The following BCAS3 variants were observed in gnomAD, a reference collection of about 807,000 sequenced individuals.
BCAS3 encodes the protein BCAS4/BCAS3 fusion.
BCAS3 carries 53 observed loss-of-function variants against 116.1 expected under a neutral mutation model. The ratio of observed to expected loss-of-function variants is 0.46; its 90% CI spans 0.37 to 0.57. The LOEUF (loss-of-function observed/expected upper bound fraction) is 0.57, where lower values mean the gene tolerates loss of function less well. Ranked by LOEUF, BCAS3 falls within the 20% of genes least tolerant of loss-of-function variation. BCAS3 has a pLI of 0.00. For missense variants in BCAS3, 917 were observed against 1,165.4 expected, an observed-to-expected ratio of 0.79 and a Z score of 3.10; for synonymous variants, 391 against 408.2, an observed-to-expected ratio of 0.96 and a Z score of 0.51.
chr17:61,371,227 G>A (rs1603124922), intron 23 of BCAS3, among the ~76,000 whole-genome samples: 1 of 152,324 alleles, frequency 6.6e-6, no homozygotes, highest in Middle Eastern at 3.4e-3. Context: ...GGTGTAGCCA[G>A]CCTTGATTTG....
At chr17:60,815,760 T>C (rs1568312089) in intron 7 of BCAS3, among the ~76,000 whole-genome samples, 2 of 152,198 alleles carry the variant, frequency 1.3e-5, no homozygotes, top group African/African-American at 4.8e-5. Flanking sequence ...CAAATGGAGA[T>C]GGAGAAAGCC....
chr17:60,692,323 G>T (rs1291753854), intron 4 of BCAS3, among the ~76,000 whole-genome samples: 2 of 152,072 alleles, frequency 1.3e-5, no homozygotes, highest in East Asian at 3.9e-4. Flanking sequence ...CTCACTGCAA[G>T]CTTCGCCTCC....
rs772353885 is a variant in BCAS3, at chr17:61,136,201, A to G, written c.2425+51637A>G. 2.9e-4 allele frequency among the ~76,000 whole-genome samples: 44 copies of G among 152,122 alleles called. No individual in the cohort carries two copies. The highest frequency in any genetic ancestry group is 9.4e-4 in the African/African-American group (39 of 41,408). ...CCTCTACATAAAATCATTTCTTTCC[A>G]TCCTGAGTACCCATGGCAAGCTCCT... On this transcript the variant is annotated intron_variant, in intron 22 of 23. Coordinates refer to ENST00000407086, the MANE Select transcript of BCAS3 (RefSeq NM_017679.5). The surrounding 1 kb of genome is among the most constrained non-coding windows in gnomAD (Gnocchi z 4.4).
rs374339505 is a variant in BCAS3, at chr17:61,315,366, G to A, written c.2426-52961G>A. ...ACTCCTGACCTCAGGTGATCCGGCC[G>A]CCTCAGCCTCCCAAAGTGCTGGGAT... is the stretch of plus-strand genomic sequence containing the variant. On this transcript the variant is annotated intron_variant, in intron 22 of 23. Coordinates refer to ENST00000407086, the MANE Select transcript of BCAS3 (RefSeq NM_017679.5). This position sits in a 1 kb window ranked among gnomAD's most constrained non-coding sequence, Gnocchi z 5.3. Among the ~76,000 whole-genome samples, 1 of 152,068 alleles carries A rather than the reference G, an allele frequency of 6.6e-6. No individual in the cohort carries two copies. The highest frequency in any genetic ancestry group is 1.5e-5 in the Non-Finnish European group (1 of 68,016).
chr17:60,957,191 C>T (rs1459056161), intron 14 of BCAS3, among the ~76,000 whole-genome samples: 2 of 152,114 alleles, frequency 1.3e-5, no homozygotes, highest in East Asian at 1.9e-4. Flanking sequence ...TGGCAAATGG[C>T]AAACTTGCTT....
intron 23 of BCAS3, among the ~76,000 whole-genome samples, chr17:61,382,066 G>A (rs1209173863): frequency 1.3e-5 from 2 of 151,862 alleles, no homozygotes; most frequent in Non-Finnish European, 2.9e-5. Context: ...GGTGGCTCAC[G>A]CTTATAATCC....
intron 6 of BCAS3, among the ~76,000 whole-genome samples, chr17:60,782,934 A>T (rs1302188401): frequency 6.6e-6 from 1 of 152,078 alleles, no homozygotes. Flanking sequence ...ATGCCAATTA[A>T]ATTTGGGGCC....
chr17:60,740,258 A>G (rs866620518), intron 5 of BCAS3, among the ~76,000 whole-genome samples: 7 of 151,838 alleles, frequency 4.6e-5, no homozygotes, highest in Non-Finnish European at 1.0e-4. Flanking sequence ...AGTTTGGGAG[A>G]GTGAGGCGGG....
At chr17:61,296,823 G>T (rs927158687) in intron 22 of BCAS3, among the ~76,000 whole-genome samples, 9 of 152,204 alleles carry the variant, frequency 5.9e-5, no homozygotes, top group African/African-American at 1.9e-4. Flanking sequence ...GCACAAACAA[G>T]GAGCTGTGTT....
chr17:60,994,795 G>A lies in BCAS3; in HGVS notation c.1486+4560G>A, dbSNP rs1413527679. On this transcript the variant is annotated intron_variant, in intron 15 of 23. Transcript: ENST00000407086. This position sits in a 1 kb window ranked among gnomAD's most constrained non-coding sequence, Gnocchi z 4.4. ...GCTAAAATATTACTGCCTCTCTTAA[G>A]CCTTCTTTTGATTTTTATCATCTTT... Among the ~76,000 whole-genome samples the A allele has an allele frequency of 6.6e-6, 1 of 152,060 alleles. No individual in the cohort carries two copies. Among genetic ancestry groups the A allele is most frequent in the African/African-American group, 2.4e-5 (1 of 41,378 alleles).
chr17:60,948,122 T>G (rs974862957), intron 14 of BCAS3, among the ~76,000 whole-genome samples: 2 of 152,154 alleles, frequency 1.3e-5, no homozygotes, highest in African/African-American at 4.8e-5. Context: ...TTATTTTTTT[T>G]GAGTTGGAGT....
rs1266208829 is a variant in BCAS3, at chr17:61,356,294, A to G, written c.2426-12033A>G. ...CAGGCGTGAGCCACCGCACCTGGCCAGGAAACATTGTCATTGCAGCCCAGC... is the reference window on the plus strand; with the variant it reads ...CAGGCGTGAGCCACCGCACCTGGCCGGGAAACATTGTCATTGCAGCCCAGC... On this transcript the variant is annotated intron_variant, in intron 22 of 23. Coordinates refer to ENST00000407086, the MANE Select transcript of BCAS3 (RefSeq NM_017679.5). This position sits in a 1 kb window ranked among gnomAD's most constrained non-coding sequence, Gnocchi z 5.4. Among the ~76,000 whole-genome samples the G allele has an allele frequency of 6.6e-6, 1 of 151,714 alleles. No individual in the cohort carries two copies. The highest frequency in any genetic ancestry group is 1.5e-5 in the Non-Finnish European group (1 of 67,860).
rs9894372 is a variant in BCAS3, at chr17:61,343,786, C to T, written c.2426-24541C>T. Among the ~76,000 whole-genome samples the T allele has an allele frequency of 2.6e-5, 4 of 152,132 alleles. No homozygotes were observed. On this transcript the variant is annotated intron_variant, in intron 22 of 23. Transcript: ENST00000407086. The surrounding 1 kb of genome is among the most constrained non-coding windows in gnomAD (Gnocchi z 5.5). Reference sequence around the variant, plus strand: ...GCTTAATTCCTCTAAAAACAGTGCCCGTTGGGCATTTTGCCTGGAGAGAGA... The same window carrying T: ...GCTTAATTCCTCTAAAAACAGTGCCTGTTGGGCATTTTGCCTGGAGAGAGA...
chr17:61,018,075 T>C (rs887569104), intron 16 of BCAS3, among the ~76,000 whole-genome samples: 10 of 152,176 alleles, frequency 6.6e-5, no homozygotes, highest in African/African-American at 2.4e-4. Flanking sequence ...TGTATCATAT[T>C]GTTTACTAGG....
At chr17:61,288,127 C>T (rs566030113) in intron 22 of BCAS3, among the ~76,000 whole-genome samples, 6 of 152,238 alleles carry the variant, frequency 3.9e-5, no homozygotes, top group Non-Finnish European at 7.3e-5. Context: ...CTCCCTGTCT[C>T]TGCCTTGGTT....
intron 6 of BCAS3, among the ~76,000 whole-genome samples, chr17:60,758,400 T>C (rs1480908033): frequency 2.0e-5 from 3 of 152,158 alleles, no homozygotes; most frequent in African/African-American, 7.2e-5. Context: ...TAGTTTGCCC[T>C]GTTCTTTATT....
chr17:61,189,330 G>C lies in BCAS3; in HGVS notation c.2425+104766G>C, dbSNP rs1456724104. Among the ~76,000 whole-genome samples the C allele has an allele frequency of 6.6e-6, 1 of 152,174 alleles. No individual in the cohort carries two copies. Among genetic ancestry groups the C allele is most frequent in the Non-Finnish European group, 1.5e-5 (1 of 68,034 alleles). On this transcript the variant is annotated intron_variant, in intron 22 of 23. Coordinates refer to ENST00000407086, the MANE Select transcript of BCAS3 (RefSeq NM_017679.5). This position sits in a 1 kb window ranked among gnomAD's most constrained non-coding sequence, Gnocchi z 4.5. ...CAAGAGAAGCCATGGTATATTCAAA[G>C]AGCTCATAAGGAGGTTGACCTTGCC...
intron 22 of BCAS3, among the ~76,000 whole-genome samples, chr17:61,092,903 T>C (rs1177923472): frequency 7.2e-6 from 1 of 139,760 alleles, no homozygotes; most frequent in Non-Finnish European, 1.6e-5. Context: ...TCCAGTCTTT[T>C]TTTTTTTTTT....
At chr17:61,179,910 T>C (rs2079384515) in intron 22 of BCAS3, among the ~76,000 whole-genome samples, 1 of 149,454 alleles carries the variant, frequency 6.7e-6, no homozygotes. Context: ...CAATTTGTTA[T>C]AGGCCTAGTG....
Sources: gnomAD v4.1 joint callset for allele counts (sites outside exome capture counted in the v4.1 genomes callset) on GRCh38, gnomAD v4.1.1 for gene constraint, Gnocchi (gnomAD v3.1) non-coding constraint, MANE v1.5 for transcripts, NCBI Gene and HGNC (gene_info 2026-07-23, HGNC 2026-07-21) for gene names.